ATP8B4: variants seen among roughly 807,000 people sequenced by gnomAD.
The protein encoded by ATP8B4 is ATPase phospholipid transporting 8B4 (putative), also known as probable phospholipid-transporting ATPase IM.
In ATP8B4, 133 loss-of-function variants were observed where a neutral mutation model predicts 145.6. The ratio of observed to expected loss-of-function variants is 0.91; its 90% CI spans 0.79 to 1.05. The LOEUF (loss-of-function observed/expected upper bound fraction) is 1.05. Among genes scored for constraint, ATP8B4 ranks in the 50% least tolerant of loss-of-function variants. The pLI is 0.00. For missense variants in ATP8B4, 1,458 were observed against 1,425.2 expected, an observed-to-expected ratio of 1.02 and a Z score of -0.37; for synonymous variants, 507 against 492.9, an observed-to-expected ratio of 1.03 and a Z score of -0.38.
chr15:49,867,879 C>A (rs181128699), intron 25 of ATP8B4, among the ~76,000 whole-genome samples: 8 of 152,234 alleles, frequency 5.3e-5, no homozygotes, highest in Admixed American at 4.6e-4. Flanking sequence ...ATGAATAGAA[C>A]TAAATTAATA....
At chr15:49,932,368 T>C (rs7350796) in intron 15 of ATP8B4, among the ~76,000 whole-genome samples, 57,541 of 151,680 alleles carry the variant, frequency 0.38, 11,550 homozygotes, top group African/African-American at 0.43. Flanking sequence ...ATTAGCTTCA[T>C]CTTTATAAAT....
At position 50,181,710 on chromosome 15, in the gene ATP8B4, C is replaced by G. The variant is rs1595675726; in HGVS notation, c.-43+551G>C. On this transcript the variant is annotated intron_variant, in intron 1 of 3. Transcript: ENST00000558829. ...CCTTGAAGCCTTCGCTACAGGAGAC[C>G]GCCTGGCAGTCGGGCTGGGAAGCAA... 2.6e-5 allele frequency among the ~76,000 whole-genome samples: 4 copies of G among 152,256 alleles called. No homozygotes were observed. The South Asian group carries it at 8.3e-4, about 32-fold the overall frequency.
intron 15 of ATP8B4, among the ~76,000 whole-genome samples, chr15:49,933,587 A>G (rs576131054): frequency 6.6e-6 from 1 of 152,198 alleles, no homozygotes; most frequent in Admixed American, 6.5e-5. Context: ...ATTCATTCTA[A>G]GCATATGTCT....
At position 50,047,297 on chromosome 15, in the gene ATP8B4, T is replaced by C. The variant is rs2153608665; in HGVS notation, c.201+54A>G. ...AAGTAAATTGACTTACTTTTTACAA[T>C]TTTATGAATACTTTAAACAAACAGA... On this transcript the variant is annotated intron_variant, in intron 4 of 27. Transcript: ENST00000284509. 5.2e-6 allele frequency: 6 copies of C among 1,157,094 alleles called. No homozygotes were observed. The South Asian group carries it at 7.8e-5, about 15-fold the overall frequency. The allele number at this position is 1,157,094 out of a possible 1,614,324, so 71.7% of individuals were successfully genotyped here. A position where few individuals can be genotyped will look rare whatever the true frequency, so the allele number is the denominator to read the frequency against.
At chr15:50,089,924 G>A (rs1246321244) in intron 2 of ATP8B4, among the ~76,000 whole-genome samples, 1 of 152,126 alleles carries the variant, frequency 6.6e-6, no homozygotes, top group Non-Finnish European at 1.5e-5. Context: ...TATGTTCATT[G>A]CAGCACTATT....
intron 23 of ATP8B4, among the ~76,000 whole-genome samples, chr15:49,882,879 T>C (rs1042925355): frequency 2.6e-5 from 4 of 152,238 alleles, no homozygotes; most frequent in Admixed American, 6.5e-5. Flanking sequence ...CACAACAATT[T>C]AAGCTGATAT....
At chr15:50,092,338 A>G (rs1268862878) in intron 2 of ATP8B4, among the ~76,000 whole-genome samples, 1 of 152,146 alleles carries the variant, frequency 6.6e-6, no homozygotes, top group Non-Finnish European at 1.5e-5. Flanking sequence ...TTCATTTACA[A>G]TATCTAGCGT....
intron 23 of ATP8B4, chr15:49,883,613 AGT>A (rs2035765552): frequency 6.6e-6 from 1 of 152,212 alleles, no homozygotes; most frequent in Non-Finnish European, 1.5e-5. Flanking sequence ...GATAGTTCCC[AGT>A]TTATACATGG....
intron 14 of ATP8B4, among the ~76,000 whole-genome samples, chr15:49,936,921 A>AT (rs1040943002): frequency 7.7e-4 from 112 of 145,344 alleles, no homozygotes; most frequent in African/African-American, 2.0e-3. Flanking sequence ...GTTTGTCAAG[A>AT]TTTTTTTTTT....
intron 6 of ATP8B4, among the ~76,000 whole-genome samples, chr15:50,029,121 T>C (rs190071105): frequency 1.0e-4 from 15 of 150,258 alleles, no homozygotes; most frequent in African/African-American, 3.4e-4. Flanking sequence ...TAGTCCCAGC[T>C]ACTCGGGAGG....
At chr15:49,932,707 T>C (rs1470961977) in intron 15 of ATP8B4, among the ~76,000 whole-genome samples, 2 of 152,032 alleles carry the variant, frequency 1.3e-5, no homozygotes, top group African/African-American at 4.8e-5. Flanking sequence ...GAGAACTTGA[T>C]CATTGGTTTT....
chr15:50,008,345 T>C (rs1054675874), intron 7 of ATP8B4, among the ~76,000 whole-genome samples: 1 of 152,092 alleles, frequency 6.6e-6, no homozygotes, highest in Non-Finnish European at 1.5e-5. Flanking sequence ...TGAAAGACAC[T>C]TAGAGTGTTA....
At chr15:49,880,620 G>C (rs577871972) in intron 23 of ATP8B4, 1 of 152,252 alleles carries the variant, frequency 6.6e-6, no homozygotes, top group Admixed American at 6.5e-5. Context: ...AGAAACTGAA[G>C]ACAATGGTGG....
chr15:50,036,328 C>T (rs999371238), intron 6 of ATP8B4, among the ~76,000 whole-genome samples: 21 of 152,270 alleles, frequency 1.4e-4, no homozygotes, highest in African/African-American at 4.6e-4. Flanking sequence ...GTTTGTCCAA[C>T]CTGAGGCAGG....
At chr15:50,167,389 A>G (rs2044611040) in intron 1 of ATP8B4, among the ~76,000 whole-genome samples, 1 of 152,106 alleles carries the variant, frequency 6.6e-6, no homozygotes, top group Admixed American at 6.6e-5. Flanking sequence ...AGTGCCTGCT[A>G]GCAACTTTTG....
At chr15:50,111,618 T>C (rs909780082) in intron 1 of ATP8B4, among the ~76,000 whole-genome samples, 2 of 152,140 alleles carry the variant, frequency 1.3e-5, no homozygotes, top group Non-Finnish European at 2.9e-5. Context: ...AGCCTGTCCT[T>C]TGGGGCCACA....
intron 24 of ATP8B4, 30 bp from the exon 25 acceptor site, chr15:49,876,553 A>C (rs372888546): frequency 5.2e-5 from 84 of 1,612,942 alleles, no homozygotes; most frequent in Non-Finnish European, 6.9e-5. Flanking sequence ...TCAGTGGAGA[A>C]GGATTAAAAA....
intron 13 of ATP8B4, among the ~76,000 whole-genome samples, chr15:49,971,894 G>A (rs2045175680): frequency 6.6e-6 from 1 of 152,168 alleles, no homozygotes; most frequent in Non-Finnish European, 1.5e-5. Flanking sequence ...GTGATAGACT[G>A]GATAAAGAAA....
At chr15:49,981,079 C>T in intron 11 of ATP8B4, 127 bp downstream of exon 11, 1 of 726,890 alleles carries the variant, frequency 1.4e-6, no homozygotes, top group Non-Finnish European at 2.2e-6. Context: ...AACTGAGCCT[C>T]AAATGCAAAA....
Sources: allele counts gnomAD v4.1 joint callset (sites outside exome capture counted in the v4.1 genomes callset), GRCh38; gene constraint gnomAD v4.1.1; transcripts MANE v1.5; gene names NCBI Gene and HGNC (gene_info 2026-07-23, HGNC 2026-07-21).